Variants in CLSPN observed in about 807,000 individuals in gnomAD.
The protein encoded by CLSPN is claspin, also known as claspin homolog.
A neutral mutation model predicts 156.3 loss-of-function variants in CLSPN; 85 were observed. The ratio of observed to expected loss-of-function variants is 0.54; its 90% CI spans 0.46 to 0.65. The LOEUF (loss-of-function observed/expected upper bound fraction) is 0.65. Among genes scored for constraint, CLSPN ranks in the 30% least tolerant of loss-of-function variants. The pLI is 0.00. For synonymous variants in CLSPN, 534 were observed against 542.4 expected (o/e 0.98, Z 0.22); for missense variants, 1,407 against 1,554.9 (o/e 0.90, Z 1.60).
chr1:35,750,847 G>T (rs1290955928), intron 10 of CLSPN, among the ~76,000 whole-genome samples: 3 of 151,912 alleles, frequency 2.0e-5, no homozygotes, highest in Non-Finnish European at 4.4e-5. Flanking sequence ...ACCTCCCTAA[G>T]AATTTACTCC....
intron 7 of CLSPN, 39 bp from the exon 8 acceptor site, chr1:35,760,955 TA>T: frequency 6.6e-7 from 1 of 1,515,492 alleles, no homozygotes; most frequent in Non-Finnish European, 9.1e-7. Context: ...AAAATTATCC[TA>T]AATGTGAAAC....
chr1:35,755,262 G>C (rs1329937782), intron 8 of CLSPN, among the ~76,000 whole-genome samples: 1 of 150,516 alleles, frequency 6.6e-6, no homozygotes, highest in Admixed American at 6.6e-5. Flanking sequence ...ACCATATCCA[G>C]CTAATTTTTT....
chr1:35,722,215 G>A lies in CLSPN; in HGVS notation c.3910-1235C>T, dbSNP rs200941964. Among the ~76,000 whole-genome samples the A allele has an allele frequency of 9.4e-5, 14 of 149,450 alleles. No individual in the cohort carries two copies. The East Asian group carries it at 2.8e-3, about 29-fold the overall frequency. ...GGCAGCACCCCAGCCTGGAATAGCT[G>A]AGTCATCAATTCCATTGTTCTAAAA... On this transcript the variant is annotated intron_variant, in intron 24 of 24. Transcript: ENST00000251195.
At chr1:35,731,587 G>C (rs1439810904), downstream of CLSPN, among the ~76,000 whole-genome samples, 3 of 152,188 alleles carry the variant, frequency 2.0e-5, no homozygotes, top group Non-Finnish European at 4.4e-5. Flanking sequence ...CAGAAGTGGG[G>C]GGGTCAGGAG....
chr1:35,765,661 TAATG>T (rs149398930), intron 1 of CLSPN, among the ~76,000 whole-genome samples: 2 of 152,336 alleles, frequency 1.3e-5, no homozygotes, highest in Non-Finnish European at 2.9e-5. Context: ...AGAAATATCC[TAATG>T]AATTAATAAA....
At chr1:35,730,567 TA>T (rs56320150), downstream of CLSPN, among the ~76,000 whole-genome samples, 6,695 of 62,034 alleles carry the variant, frequency 0.11, 643 homozygotes, top group East Asian at 0.6. Context: ...GAATCCATAT[TA>T]AAAAAAAAAA....
intron 2 of CLSPN, among the ~76,000 whole-genome samples, chr1:35,764,929 C>T (rs1335734468): frequency 6.6e-6 from 1 of 152,022 alleles, no homozygotes; most frequent in Non-Finnish European, 1.5e-5. Flanking sequence ...TGTAATTTTA[C>T]GTATATTTAC....
intron 20 of CLSPN, among the ~76,000 whole-genome samples, chr1:35,738,800 CTT>C (rs66781105): frequency 1.8e-3 from 177 of 96,320 alleles, no homozygotes; most frequent in East Asian, 6.9e-3. Context: ...TAACTGTTTG[CTT>C]TTTTTTTTTT....
intron 8 of CLSPN, among the ~76,000 whole-genome samples, chr1:35,757,958 CCAA>C (rs1430693039): frequency 6.6e-6 from 1 of 152,122 alleles, no homozygotes; most frequent in Non-Finnish European, 1.5e-5. Context: ...ATAGCACTTG[CCAA>C]CAATAAGCTG....
intron 12 of CLSPN, chr1:35,748,973 G>A (rs915942159): frequency 9.1e-5 from 29 of 318,860 alleles, no homozygotes; most frequent in South Asian, 7.0e-4. Context: ...CTACAGGCGC[G>A]TGCCACCACA....
In CLSPN at chr1:35,748,056, T is replaced by C. The variant is rs1245538061; in HGVS notation, c.2478A>G (p.Ser826=). Residue 826 remains serine, a synonymous_variant, in exon 14 of 25, where the codon TCA becomes TCG. Transcript: ENST00000318121. ...GAAGTGAAGGCTCAGACAGTTTCCC[T>C]GAACTCTGGCACACAAACAAAAACA... The part of the protein sequence containing the change: ...ASLVSSASKS[S]GKLSEPSLPI... 2 of 1,603,586 alleles carry C rather than the reference T, an allele frequency of 1.2e-6. No homozygotes were observed. Among genetic ancestry groups the C allele is most frequent in the Non-Finnish European group, 1.7e-6 (2 of 1,177,138 alleles).
In CLSPN at chr1:35,737,981, CAA is replaced by C. The variant is rs765774403; in HGVS notation, c.3664+9_3664+10del. 3.2e-5 allele frequency: 46 copies of C among 1,425,006 alleles called. No homozygotes were observed. The highest frequency in any genetic ancestry group is 4.2e-5 in the Non-Finnish European group (45 of 1,063,864). The allele number at this position is 1,425,006 out of a possible 1,614,324, so 88.3% of individuals were successfully genotyped here. A position where few individuals can be genotyped will look rare whatever the true frequency, so the allele number is the denominator to read the frequency against. ...CAGGGGGCTAGACCCTAAGGAGAAA[CAA>C]GAGCTCACCATTCTTCTGCAGTGCT... On this transcript the variant is annotated intron_variant, in intron 22 of 24. Coordinates refer to ENST00000318121, the MANE Select transcript of CLSPN (RefSeq NM_022111.4).
chr1:35,745,704 T>C, intron 15 of CLSPN, 142 bp from the exon 16 acceptor site: 1 of 629,802 alleles, frequency 1.6e-6, no homozygotes, highest in East Asian at 2.8e-5. Context: ...ATTCAACAAA[T>C]CCTTATTTAG....
chr1:35,745,590 C>T, intron 15 of CLSPN, 28 bp from the exon 16 acceptor site: 8 of 1,447,502 alleles, frequency 5.5e-6, no homozygotes, highest in Middle Eastern at 1.7e-4. Flanking sequence ...AAAGATGTGT[C>T]ACCAAGGAAT....
rs749642027 is a variant in CLSPN, at chr1:35,738,116, ATAT to A, written c.3559-22_3559-20del. 0.3 allele frequency: 61,475 copies of A among 204,392 alleles called. 6,058 individuals carry two copies. Among genetic ancestry groups the A allele is most frequent in the South Asian group, 0.34 (1,596 of 4,738 alleles). The allele number at this position is 204,392 out of a possible 1,614,324, so 12.7% of individuals were successfully genotyped here. A position where few individuals can be genotyped will look rare whatever the true frequency, so the allele number is the denominator to read the frequency against. ...GCTGTGCCTGAAAAAAAAAAAAAATATATATATATATATATATATATATACAGC... is the reference window on the plus strand; with the variant it reads ...GCTGTGCCTGAAAAAAAAAAAAAATAATATATATATATATATATATACAGC... On this transcript the variant is annotated intron_variant, in intron 21 of 24. Coordinates refer to ENST00000318121, the MANE Select transcript of CLSPN (RefSeq NM_022111.4).
At position 35,733,708 on chromosome 1, in the gene CLSPN, G is replaced by C. The variant is rs1641377799; in HGVS notation, c.*2788C>G. The C allele has an allele frequency of 2.0e-6, 2 of 985,150 alleles. No homozygotes were observed. Among genetic ancestry groups the C allele is most frequent in the Non-Finnish European group, 2.4e-6 (2 of 829,778 alleles). 61.0% of individuals were successfully genotyped at this position (985,150 alleles called of 1,614,324 possible). On this transcript the variant is annotated 3_prime_UTR_variant, in exon 25 of 25. Transcript: ENST00000318121. ...TCAAAGCTGTAACAGGCTGGGCATG[G>C]TGGCTGAGCCTGTGACCCCAGCATT...
intron 1 of CLSPN, among the ~76,000 whole-genome samples, chr1:35,766,426 T>A (rs367864228): frequency 1.3e-5 from 2 of 152,156 alleles, no homozygotes; most frequent in East Asian, 3.8e-4. Flanking sequence ...TATGTATGTA[T>A]ATTTCTATAT....
chr1:35,756,423 C>T (rs1413573924), intron 8 of CLSPN, among the ~76,000 whole-genome samples: 2 of 152,200 alleles, frequency 1.3e-5, no homozygotes, highest in African/African-American at 4.8e-5. Context: ...CTTCCTCCCC[C>T]AACCCATTGG....
chr1:35,765,373 G>A (rs759731281), intron 1 of CLSPN, 47 bp from the exon 2 acceptor site: 1 of 1,285,794 alleles, frequency 7.8e-7, no homozygotes, highest in Non-Finnish European at 1.1e-6. Context: ...GTGACCGAAA[G>A]CTCCAAGTAC....
Sources: gnomAD v4.1 joint callset for allele counts (sites outside exome capture counted in the v4.1 genomes callset) on GRCh38, gnomAD v4.1.1 for gene constraint, MANE v1.5 for transcripts, NCBI Gene and HGNC (gene_info 2026-07-23, HGNC 2026-07-21) for gene names.